IGF2R: variants seen among roughly 807,000 people sequenced by gnomAD.
IGF2R encodes insulin like growth factor 2 receptor, also known as cation-independent mannose-6-phosphate receptor.
In IGF2R, 91 loss-of-function variants were observed where a neutral mutation model predicts 270.6. That is an observed-to-expected ratio of 0.34 (90% CI 0.28 to 0.40). The LOEUF is 0.40. Ranked by LOEUF, IGF2R falls within the 10% of genes least tolerant of loss-of-function variation. The pLI, the probability that IGF2R is intolerant of heterozygous loss-of-function variation, is 1.00. For synonymous variants in IGF2R, 1,316 were observed against 1,258.9 expected (o/e 1.05, Z -0.96); for missense variants, 2,805 against 3,188.3 (o/e 0.88, Z 2.90).
At chr6:160,025,269 AGCTGGTTTT>A (rs1777535078) in intron 5 of IGF2R, among the ~76,000 whole-genome samples, 2 of 152,226 alleles carry the variant, frequency 1.3e-5, no homozygotes, top group Admixed American at 6.5e-5. Flanking sequence ...ACTAGCCTTC[AGCTGGTTTT>A]ACTAAGCCAA....
chr6:160,046,247 A>G (rs1332281355), intron 14 of IGF2R, among the ~76,000 whole-genome samples: 3 of 152,220 alleles, frequency 2.0e-5, no homozygotes, highest in Non-Finnish European at 4.4e-5. Context: ...CCCAGCAGTT[A>G]TGGGCTTTGA....
intron 26 of IGF2R, among the ~76,000 whole-genome samples, 163 bp from the exon 27 acceptor site, chr6:160,063,252 T>C (rs1287941965): frequency 2.0e-5 from 3 of 152,098 alleles, no homozygotes; most frequent in Non-Finnish European, 4.4e-5. Flanking sequence ...TTGGCCAGGA[T>C]GGTCTAGATC....
chr6:160,056,614 G>T, intron 20 of IGF2R, 89 bp downstream of exon 20: 1 of 853,678 alleles, frequency 1.2e-6, no homozygotes, highest in South Asian at 1.3e-5. Context: ...ACCGACCCCT[G>T]CCCCTTCTTT....
intron 10 of IGF2R, among the ~76,000 whole-genome samples, chr6:160,036,238 C>T (rs1410896787): frequency 6.6e-6 from 1 of 152,152 alleles, no homozygotes; most frequent in Non-Finnish European, 1.5e-5. Flanking sequence ...GGTCTGAGCA[C>T]TCCCTGCACC....
chr6:160,059,862 C>T (rs563695576), intron 22 of IGF2R, among the ~76,000 whole-genome samples: 29 of 152,362 alleles, frequency 1.9e-4, no homozygotes, highest in African/African-American at 7.0e-4. Flanking sequence ...CAGGGGTTTT[C>T]GTCTGCTTCA....
intron 45 of IGF2R, among the ~76,000 whole-genome samples, chr6:160,098,237 A>C (rs1459399304): frequency 6.6e-6 from 1 of 152,124 alleles, no homozygotes; most frequent in Non-Finnish European, 1.5e-5. Flanking sequence ...GTGAGTAGGA[A>C]AAGCACTGTT....
intron 9 of IGF2R, 37 bp from the exon 10 acceptor site, chr6:160,034,382 C>T (rs1266847845): frequency 4.4e-6 from 6 of 1,368,328 alleles, no homozygotes; most frequent in Non-Finnish European, 5.2e-6. Context: ...TCTTGGTTCT[C>T]CCAAACACAT....
Position 160,047,857 on chromosome 6 carries a change from G to A in IGF2R, c.2295G>A (p.Leu765=). ...GCTATGCCTGCCCGGAGGAGCCCCT[G>A]GAATGCGTAGTGACCGACCCCTCCA... ...YTSYACPEEP[L]ECVVTDPSTL... is the part of the protein sequence containing the mutation. Residue 765 remains leucine (L), a synonymous_variant, in exon 17 of 48, where the codon CTG becomes CTA. Coordinates refer to ENST00000356956, the MANE Select transcript of IGF2R (RefSeq NM_000876.4). 1 of 1,614,134 alleles carries A rather than the reference G, an allele frequency of 6.2e-7. No homozygotes were observed.
Position 160,050,025 on chromosome 6 carries a change from A to T in IGF2R, c.2515-448A>T, listed in dbSNP as rs544591489. Among the ~76,000 whole-genome samples the T allele has an allele frequency of 2.0e-5, 3 of 152,338 alleles. No individual in the cohort carries two copies. The highest frequency in any genetic ancestry group is 4.1e-4 in the South Asian group (2 of 4,820). ...TGGTAGAAGAGTGCAGGGTGAAGTC[A>T]TCGGATGGGGAGATGAAGAAACTGC... is the stretch of plus-strand genomic sequence containing the variant. On this transcript the variant is annotated intron_variant, in intron 18 of 47. Transcript: ENST00000356956. The surrounding 1 kb of genome is among the most constrained non-coding windows in gnomAD (Gnocchi z 4.0).
At position 160,102,504 on chromosome 6, in the gene IGF2R, G is replaced by A. The variant is rs1383551176; in HGVS notation, c.6843-15G>A. The A allele has an allele frequency of 3.7e-6, 6 of 1,608,408 alleles. No individual in the cohort carries two copies. The African/African-American group carries it at 8.0e-5, about 21-fold the overall frequency. On this transcript the variant is annotated splice_polypyrimidine_tract_variant and intron_variant, in intron 45 of 47. Transcript: ENST00000356956. The surrounding 1 kb of genome is among the most constrained non-coding windows in gnomAD (Gnocchi z 4.5). ...CACCCTGTGACACGGCTCCTTTTCT[G>A]TGACGTCCTTGCAGGGTGGGCTTTG...
intron 1 of IGF2R, among the ~76,000 whole-genome samples, chr6:159,977,490 C>T (rs563937289): frequency 2.8e-4 from 39 of 137,334 alleles, no homozygotes; most frequent in African/African-American, 1.0e-3. Flanking sequence ...CACCCCCAAG[C>T]GCTGTTCTGC....
intron 18 of IGF2R, among the ~76,000 whole-genome samples, chr6:160,048,840 T>C (rs1778129342): frequency 6.6e-6 from 1 of 152,256 alleles, no homozygotes; most frequent in Non-Finnish European, 1.5e-5. Context: ...CTTTAGGTGC[T>C]TTCAGCAGAC....
chr6:159,992,829 T>G (rs1783999899), intron 2 of IGF2R, among the ~76,000 whole-genome samples: 1 of 152,214 alleles, frequency 6.6e-6, no homozygotes, highest in African/African-American at 2.4e-5. Flanking sequence ...CCTTGATAGA[T>G]CTCTATACTG....
At chr6:160,076,580 G>A (rs1778860071) in intron 36 of IGF2R, among the ~76,000 whole-genome samples, 1 of 152,184 alleles carries the variant, frequency 6.6e-6, no homozygotes, top group Admixed American at 6.5e-5. Context: ...GGTAGATTAT[G>A]GCCCCTATTC....
chr6:160,058,798 A>G, intron 21 of IGF2R, 108 bp from the exon 22 acceptor site: 1 of 988,444 alleles, frequency 1.0e-6, no homozygotes, highest in Non-Finnish European at 1.5e-6. Context: ...GTTAACTAAC[A>G]AATAAGAAAT....
At chr6:160,028,484 A>G (rs1266412912) in intron 6 of IGF2R, among the ~76,000 whole-genome samples, 3 of 152,234 alleles carry the variant, frequency 2.0e-5, no homozygotes, top group Non-Finnish European at 4.4e-5. Flanking sequence ...CTTAATATGA[A>G]TGAGTTTGTG....
intron 4 of IGF2R, among the ~76,000 whole-genome samples, chr6:160,016,134 A>G (rs746903454): frequency 6.6e-6 from 1 of 152,240 alleles, no homozygotes; most frequent in Non-Finnish European, 1.5e-5. Flanking sequence ...GCCTGCTGCC[A>G]GCGATGGGCC....
At position 159,991,463 on chromosome 6, in the gene IGF2R, C is replaced by T. The variant is rs553214945; in HGVS notation, c.289+140C>T. ...TCATAAGTGTTTATAATACATAATA[C>T]ACATTTGTTAGTAGTTAAAAATGCT... On this transcript the variant is annotated intron_variant, in intron 2 of 47. Coordinates refer to ENST00000356956, the MANE Select transcript of IGF2R (RefSeq NM_000876.4). 81 of 691,502 alleles carry T rather than the reference C, an allele frequency of 1.2e-4. No individual in the cohort carries two copies. In the African/African-American group the frequency reaches 1.4e-3, roughly 12 times the overall value. The allele number at this position is 691,502 out of a possible 1,614,324, so 42.8% of individuals were successfully genotyped here.
In IGF2R at chr6:160,103,768, A is replaced by G; in HGVS notation, c.7018A>G (p.Thr2340Ala). Residue 2340 changes from threonine to alanine, a missense_variant, in exon 47 of 48, where the codon ACC becomes GCC. Physicochemically the swap from Thr to Ala is moderately conservative, Grantham distance 58. Coordinates refer to ENST00000356956, the MANE Select transcript of IGF2R (RefSeq NM_000876.4). ...ERRETVISKLTTCCRRSSNVS... is the reference protein window; with the variant it reads ...ERRETVISKLATCCRRSSNVS... ...TAGGGAAACAGTGATAAGTAAGCTG[A>G]CCACTTGCTGTAGGAGAAGTTCCAA... 6.2e-7 allele frequency: 1 copy of G among 1,611,550 alleles called. No homozygotes were observed. Among genetic ancestry groups the G allele is most frequent in the Non-Finnish European group, 8.5e-7 (1 of 1,177,676 alleles).
Sources: gnomAD v4.1 joint callset for allele counts (sites outside exome capture counted in the v4.1 genomes callset) on GRCh38, gnomAD v4.1.1 for gene constraint, Gnocchi (gnomAD v3.1) non-coding constraint, MANE v1.5 for transcripts, NCBI Gene and HGNC (gene_info 2026-07-23, HGNC 2026-07-21) for gene names.